Variants in KHDRBS2 observed in about 807,000 individuals in gnomAD.
KHDRBS2 encodes the protein KH RNA binding domain containing, signal transduction associated 2.
In KHDRBS2, 26 loss-of-function variants were observed where a neutral mutation model predicts 44.3. The observed-to-expected ratio is 0.59, with a 90% CI of 0.43 to 0.81. The LOEUF (loss-of-function observed/expected upper bound fraction) is 0.81, where lower values mean the gene tolerates loss of function less well. KHDRBS2 is among the 40% of genes least tolerant of loss of function. KHDRBS2 has a pLI of 0.00. For synonymous variants in KHDRBS2, 194 were observed against 151.1 expected, an observed-to-expected ratio of 1.28 and a Z score of -2.08; for missense variants, 476 against 433.1, an observed-to-expected ratio of 1.10 and a Z score of -0.88.
intron 8 of KHDRBS2, among the ~76,000 whole-genome samples, chr6:61,684,337 A>G (rs894714025): frequency 6.6e-6 from 1 of 151,916 alleles, no homozygotes; most frequent in African/African-American, 2.4e-5. Flanking sequence ...CCTGAGTCCC[A>G]TGGAACCTTG....
chr6:62,179,401 T>C (rs906591987), intron 1 of KHDRBS2, among the ~76,000 whole-genome samples: 1 of 151,784 alleles, frequency 6.6e-6, no homozygotes, highest in African/African-American at 2.4e-5. Flanking sequence ...TTTAACTAAC[T>C]GACTTGTTAA....
At chr6:61,630,216 G>T in the KHDRBS2 span, 3 of 152,008 alleles carry the variant, frequency 2.0e-5, no homozygotes, top group African/African-American at 7.2e-5. Flanking sequence ...CTAGTAGAAA[G>T]AAATACAAAA....
chr6:62,122,820 A>G (rs1474898274), intron 2 of KHDRBS2, among the ~76,000 whole-genome samples: 1 of 149,114 alleles, frequency 6.7e-6, no homozygotes, highest in African/African-American at 2.5e-5. Flanking sequence ...ACATCATCAG[A>G]GTACTTGGAA....
chr6:61,667,545 C>T, the KHDRBS2 span, among the ~76,000 whole-genome samples: 2 of 151,190 alleles, frequency 1.3e-5, no homozygotes, highest in Admixed American at 1.3e-4. Flanking sequence ...ACCATTAAGC[C>T]TTTTCCTAAG....
At chr6:62,038,321 AT>A (rs5876773) in intron 3 of KHDRBS2, among the ~76,000 whole-genome samples, 71,720 of 148,378 alleles carry the variant, frequency 0.48, 18,828 homozygotes, top group Non-Finnish European at 0.58. Flanking sequence ...GAAGCTGCTG[AT>A]TTTTTTTTTT....
At chr6:61,892,222 C>A (rs1039821295) in intron 6 of KHDRBS2, among the ~76,000 whole-genome samples, 1 of 152,022 alleles carries the variant, frequency 6.6e-6, no homozygotes, top group Non-Finnish European at 1.5e-5. Context: ...TCAAGGAGAA[C>A]TACAAACCAC....
intron 1 of KHDRBS2, among the ~76,000 whole-genome samples, chr6:62,204,229 T>C (rs1041211914): frequency 6.6e-5 from 10 of 152,184 alleles, no homozygotes; most frequent in African/African-American, 2.4e-4. Context: ...TATAAAATTA[T>C]TGGAAACTTA....
At position 61,891,832 on chromosome 6, in the gene KHDRBS2, A is replaced by T. The variant is rs1583359685; in HGVS notation, c.810+2803T>A. On this transcript the variant is annotated intron_variant, in intron 6 of 8. Transcript: ENST00000281156. The stretch of plus-strand genomic sequence containing the variant: ...AAAAACTGGAAGTATTCCCTTTGAA[A>T]ACTGGCACAAGACAGGGATGCCCTC... 2.6e-5 allele frequency among the ~76,000 whole-genome samples: 4 copies of T among 152,320 alleles called. No individual in the cohort carries two copies. The South Asian group carries it at 8.3e-4, about 32-fold the overall frequency.
intron 5 of KHDRBS2, among the ~76,000 whole-genome samples, chr6:61,895,363 C>T (rs748746645): frequency 6.6e-6 from 1 of 152,098 alleles, no homozygotes; most frequent in Non-Finnish European, 1.5e-5. Flanking sequence ...GGGAATCTAA[C>T]CATAGTGATA....
chr6:61,581,619 T>A, the KHDRBS2 span, among the ~76,000 whole-genome samples: 1 of 148,038 alleles, frequency 6.8e-6, no homozygotes, highest in Non-Finnish European at 1.5e-5. Flanking sequence ...ATATATAATA[T>A]ACAATATACA....
the KHDRBS2 span, among the ~76,000 whole-genome samples, chr6:61,639,807 C>T: frequency 6.6e-6 from 1 of 151,704 alleles, no homozygotes; most frequent in South Asian, 2.1e-4. Flanking sequence ...TATGATATTG[C>T]TTTAGAATTG....
At chr6:62,271,678 T>C (rs528150714) in intron 1 of KHDRBS2, among the ~76,000 whole-genome samples, 4 of 152,146 alleles carry the variant, frequency 2.6e-5, no homozygotes, top group East Asian at 1.9e-4. Flanking sequence ...TGATCTTGTA[T>C]AGTCCTAGGC....
Position 61,777,859 on chromosome 6 carries a change from C to T in KHDRBS2, c.811-45095G>A, listed in dbSNP as rs1416686737. ...TTTATTTATTTGCTTTCCTTTTTAACTTTAATTTTAGGTTCGAGGTACATG... is the reference window on the plus strand; with the variant it reads ...TTTATTTATTTGCTTTCCTTTTTAATTTTAATTTTAGGTTCGAGGTACATG... On this transcript the variant is annotated intron_variant, in intron 6 of 8. Coordinates refer to ENST00000281156, the MANE Select transcript of KHDRBS2 (RefSeq NM_152688.4). Among the ~76,000 whole-genome samples the T allele has an allele frequency of 1.2e-4, 18 of 151,930 alleles. 1 individual carries two copies. The East Asian group carries it at 3.3e-3, about 28-fold the overall frequency.
At chr6:62,223,160 T>C (rs1831179594) in intron 1 of KHDRBS2, among the ~76,000 whole-genome samples, 1 of 152,208 alleles carries the variant, frequency 6.6e-6, no homozygotes, top group South Asian at 2.1e-4. Flanking sequence ...TCCAAGTGTT[T>C]CTATACATCC....
chr6:61,836,772 C>T (rs1344130600), intron 6 of KHDRBS2, among the ~76,000 whole-genome samples: 1 of 152,028 alleles, frequency 6.6e-6, no homozygotes, highest in Non-Finnish European at 1.5e-5. Context: ...CACATACACG[C>T]ATATATACAA....
chr6:61,817,015 T>G, intron 6 of KHDRBS2: 1 of 455,714 alleles, frequency 2.2e-6, no homozygotes, highest in Non-Finnish European at 4.4e-6. Flanking sequence ...GCTGAAACAT[T>G]AAGGAGAGGT....
rs1437819919 is a variant in KHDRBS2 at position 62,194,755 on chromosome 6, T to C, written c.92-17443A>G. Among the ~76,000 whole-genome samples the C allele has an allele frequency of 5.3e-5, 8 of 151,908 alleles. No homozygotes were observed. In the East Asian group the frequency reaches 1.4e-3, roughly 26 times the overall value. On this transcript the variant is annotated intron_variant, in intron 1 of 8. Coordinates refer to ENST00000281156, the MANE Select transcript of KHDRBS2 (RefSeq NM_152688.4). Reference sequence around the variant, plus strand: ...CTCCTGATCTCAAGTGATTCACTCATGGTGGTCTCCCAAAGTGTTGGAATT... The same window carrying C: ...CTCCTGATCTCAAGTGATTCACTCACGGTGGTCTCCCAAAGTGTTGGAATT...
intron 4 of KHDRBS2, among the ~76,000 whole-genome samples, chr6:61,974,978 AAAT>A (rs869238406): frequency 1.4e-5 from 2 of 139,284 alleles, no homozygotes; most frequent in African/African-American, 2.9e-5. Context: ...ATAAATAAAT[AAAT>A]AAAAGACTAC....
chr6:61,573,335 A>C, the KHDRBS2 span, among the ~76,000 whole-genome samples: 1 of 152,240 alleles, frequency 6.6e-6, no homozygotes, highest in Non-Finnish European at 1.5e-5. Context: ...AAACAAATGG[A>C]AACACATTCC....
Sources: allele counts gnomAD v4.1 joint callset (sites outside exome capture counted in the v4.1 genomes callset), GRCh38; gene constraint gnomAD v4.1.1; transcripts MANE v1.5; gene names NCBI Gene and HGNC (gene_info 2026-07-23, HGNC 2026-07-21).